The following CFAP161 variants were observed in gnomAD, a reference collection of about 807,000 sequenced individuals.
The protein encoded by CFAP161 is cilia and flagella associated protein 161, also known as cilia- and flagella-associated protein 161.
A neutral mutation model predicts 29.0 loss-of-function variants in CFAP161; 25 were observed. That is an observed-to-expected ratio of 0.86 (90% CI 0.63 to 1.20). The LOEUF (loss-of-function observed/expected upper bound fraction) is 1.20. Ranked by LOEUF, CFAP161 falls within the 50% of genes most tolerant of loss-of-function variation. The probability of loss-of-function intolerance (pLI) is 0.00; values close to 1 mark genes in which losing one functional copy is unlikely to be tolerated. For synonymous variants in CFAP161, 116 were observed against 137.4 expected (o/e 0.84, Z 1.09); for missense variants, 367 against 371.9 (o/e 0.99, Z 0.11).
At chr15:81,134,171 C>G, upstream of CFAP161, 1 of 748,610 alleles carries the variant, frequency 1.3e-6, no homozygotes, top group Non-Finnish European at 2.1e-6. Context: ...CTGACCCAGA[C>G]GCCCCATCTC....
chr15:81,122,234 T>C (rs112364647), intron 1 of CFAP161, among the ~76,000 whole-genome samples: 2,226 of 152,314 alleles, frequency 0.015, 46 homozygotes, highest in South Asian at 0.022. Flanking sequence ...TACCCAGTAA[T>C]GCGATTGCTG....
intron 1 of CFAP161, among the ~76,000 whole-genome samples, chr15:81,106,748 T>C (rs534812819): frequency 5.9e-5 from 9 of 152,278 alleles, no homozygotes; most frequent in Non-Finnish European, 1.2e-4. Flanking sequence ...TTCTTCTGGA[T>C]GAGACATTAC....
intron 1 of CFAP161, among the ~76,000 whole-genome samples, chr15:81,106,407 T>C (rs1444825201): frequency 6.6e-6 from 1 of 152,208 alleles, no homozygotes; most frequent in African/African-American, 2.4e-5. Flanking sequence ...CCTGACCTCA[T>C]GATCCGCCTA....
intron 1 of CFAP161, chr15:81,117,945 T>C (rs1894520627): frequency 1.3e-5 from 6 of 454,846 alleles, no homozygotes; most frequent in South Asian, 1.2e-4. Context: ...CCTGGTCCTC[T>C]GGGTCATAGG....
At chr15:81,111,144 C>A (rs921667525) in intron 1 of CFAP161, among the ~76,000 whole-genome samples, 1 of 152,116 alleles carries the variant, frequency 6.6e-6, no homozygotes, top group East Asian at 1.9e-4. Context: ...CAGAGAAATC[C>A]TCCCTGTACT....
At chr15:81,143,622 A>G (rs1424591801) in intron 4 of CFAP161, 40 bp from the exon 5 acceptor site, 1 of 1,574,642 alleles carries the variant, frequency 6.4e-7, no homozygotes, top group South Asian at 1.1e-5. Flanking sequence ...AGCTTTTCAC[A>G]GAGCTCTGAC....
intron 1 of CFAP161, among the ~76,000 whole-genome samples, chr15:81,121,437 G>A (rs2141869075): frequency 6.6e-6 from 1 of 151,772 alleles, no homozygotes; most frequent in East Asian, 1.9e-4. Flanking sequence ...AATAACCTCT[G>A]AATTAGACAA....
chr15:81,148,608 G>T lies in CFAP161; in HGVS notation c.*75G>T. The stretch of plus-strand genomic sequence containing the variant: ...GCTTTAAAAGAAATTAACAACCTTG[G>T]TCATGCCTCAAGCTATTTTTGAATC... On this transcript the variant is annotated 3_prime_UTR_variant, in exon 7 of 7. Coordinates refer to ENST00000286732, the MANE Select transcript of CFAP161 (RefSeq NM_173528.4). The T allele has an allele frequency of 7.0e-7, 1 of 1,419,932 alleles. No homozygotes were observed. Among genetic ancestry groups the T allele is most frequent in the Non-Finnish European group, 9.6e-7 (1 of 1,044,572 alleles). 88.0% of individuals were successfully genotyped at this position (1,419,932 alleles called of 1,614,324 possible).
upstream of CFAP161, among the ~76,000 whole-genome samples, chr15:81,133,227 ATT>A (rs111496841): frequency 6.9e-3 from 348 of 50,380 alleles, 25 homozygotes; most frequent in Non-Finnish European, 0.011. Context: ...ATATATATGT[ATT>A]TTTTTTTAAA....
rs748597969 is a variant in CFAP161 at position 81,135,287 on chromosome 15, C to T, written c.87C>T (p.Phe29=). 6 of 1,600,338 alleles carry T rather than the reference C, an allele frequency of 3.7e-6. No homozygotes were observed. Among genetic ancestry groups the T allele is most frequent in the East Asian group, 2.2e-5 (1 of 44,714 alleles). ...VYLEEELMKD[F]LEKRDKGKLL... is the part of the protein sequence containing the mutation. Reference sequence around the variant, plus strand: ...CTGTTTAGGAGCTCATGAAAGACTTCTTAGAGAAGAGAGACAAGGGGAAAC... The same window carrying T: ...CTGTTTAGGAGCTCATGAAAGACTTTTTAGAGAAGAGAGACAAGGGGAAAC... The change falls in exon 2 of 7, where the codon TTC becomes TTT. Residue 29 remains phenylalanine (F), a synonymous_variant. Coordinates refer to ENST00000286732, the MANE Select transcript of CFAP161 (RefSeq NM_173528.4).
At chr15:81,110,580 G>C (rs780101393) in intron 1 of CFAP161, among the ~76,000 whole-genome samples, 3 of 152,112 alleles carry the variant, frequency 2.0e-5, no homozygotes, top group Non-Finnish European at 4.4e-5. Context: ...ACACTACTCT[G>C]GGTCCATGCC....
intron 1 of CFAP161, chr15:81,117,866 C>A: frequency 2.7e-6 from 1 of 363,812 alleles, no homozygotes; most frequent in South Asian, 3.0e-5. Context: ...TAGTCCTTCT[C>A]ATCTTCTCCT....
intron 1 of CFAP161, among the ~76,000 whole-genome samples, chr15:81,134,771 A>G (rs1286438779): frequency 2.0e-5 from 3 of 152,152 alleles, no homozygotes; most frequent in Non-Finnish European, 2.9e-5. Context: ...CACAGGTTCT[A>G]GGTAGAAATA....
chr15:81,134,308 A>G lies in CFAP161; in HGVS notation c.-22A>G. ...AACGCATGGTGTCGGAGGGAGGCCC[A>G]CTTGCTGAACAGCAGGGAGCGATGG... On this transcript the variant is annotated 5_prime_UTR_variant, in exon 1 of 7. Transcript: ENST00000286732. 2 of 1,575,228 alleles carry G rather than the reference A, an allele frequency of 1.3e-6. No individual in the cohort carries two copies. The highest frequency in any genetic ancestry group is 1.7e-4 in the Middle Eastern group (1 of 5,992).
At chr15:81,133,737 T>C (rs978021943), upstream of CFAP161, among the ~76,000 whole-genome samples, 1 of 152,118 alleles carries the variant, frequency 6.6e-6, no homozygotes, top group Non-Finnish European at 1.5e-5. Context: ...CGCAAAAATA[T>C]GGACAACCTC....
intron 1 of CFAP161, among the ~76,000 whole-genome samples, chr15:81,106,224 G>T (rs1415914412): frequency 3.3e-5 from 5 of 152,218 alleles, no homozygotes; most frequent in Non-Finnish European, 7.3e-5. Context: ...GCAAGGGCAA[G>T]AAAGACATAG....
At chr15:81,128,534 C>A (rs1894669455) in intron 2 of CFAP161, among the ~76,000 whole-genome samples, 3 of 152,216 alleles carry the variant, frequency 2.0e-5, no homozygotes, top group African/African-American at 7.2e-5. Context: ...TCAGATTCCA[C>A]TTCTTCAGGC....
In CFAP161 at chr15:81,110,417, C is replaced by G. The variant is rs1894425934; in HGVS notation, c.-141-17173C>G. ...CACTCCCTCCATCCCCTTTATGCCA[C>G]TTAGAAGTCTGAAACCCTCCCCAGG... On this transcript the variant is annotated intron_variant, in intron 1 of 4. Coordinates refer to the CFAP161 transcript ENST00000560091. 2.6e-5 allele frequency among the ~76,000 whole-genome samples: 4 copies of G among 152,142 alleles called. No individual in the cohort carries two copies. In the South Asian group the frequency reaches 8.3e-4, roughly 32 times the overall value.
At chr15:81,107,796 TGTAAC>T (rs997223701) in intron 1 of CFAP161, among the ~76,000 whole-genome samples, 4 of 152,218 alleles carry the variant, frequency 2.6e-5, no homozygotes, top group Admixed American at 1.3e-4. Flanking sequence ...TCTAACCTCT[TGTAAC>T]GGAAGTACCC....
Sources: gnomAD v4.1 joint callset for allele counts (sites outside exome capture counted in the v4.1 genomes callset) on GRCh38, gnomAD v4.1.1 for gene constraint, MANE v1.5 for transcripts, NCBI Gene and HGNC (gene_info 2026-07-23, HGNC 2026-07-21) for gene names.